Variants in FARP1 observed in about 807,000 individuals in gnomAD.
The protein encoded by FARP1 is FERM, ARHGEF and pleckstrin domain-containing protein 1.
FARP1 carries 52 observed loss-of-function variants against 128.8 expected under a neutral mutation model. That is an observed-to-expected ratio of 0.40 (90% CI 0.32 to 0.51). The LOEUF is 0.51. Among genes scored for constraint, FARP1 ranks in the 20% least tolerant of loss-of-function variants. The probability of loss-of-function intolerance (pLI) is 0.45; values close to 1 mark genes in which losing one functional copy is unlikely to be tolerated. For synonymous variants in FARP1, 580 were observed against 551.8 expected (o/e 1.05, Z -0.72); for missense variants, 1,333 against 1,367.9 (o/e 0.97, Z 0.40).
intron 2 of FARP1, among the ~76,000 whole-genome samples, chr13:98,233,392 C>T (rs1281184574): frequency 6.6e-6 from 1 of 151,864 alleles, no homozygotes; most frequent in Non-Finnish European, 1.5e-5. Flanking sequence ...GGCTCCCCCA[C>T]GTGAGAACTC....
chr13:98,160,472 TAGC>T (rs1876802210), intron 1 of FARP1, among the ~76,000 whole-genome samples: 1 of 152,168 alleles, frequency 6.6e-6, no homozygotes, highest in East Asian at 1.9e-4. Context: ...AATTTAAAAA[TAGC>T]CTCGTTTCTT....
intron 2 of FARP1, among the ~76,000 whole-genome samples, chr13:98,315,601 G>T (rs1886685822): frequency 6.6e-6 from 1 of 152,342 alleles, no homozygotes; most frequent in Admixed American, 6.5e-5. Flanking sequence ...GGAAAAACCA[G>T]GCTGTGTCTG....
At chr13:98,208,663 G>A (rs1880460561) in intron 1 of FARP1, 2 of 152,952 alleles carry the variant, frequency 1.3e-5, no homozygotes, top group Admixed American at 1.3e-4. Flanking sequence ...AGGAAGGTGA[G>A]TGTGGGAGAA....
chr13:98,281,661 C>T (rs1301203437), intron 2 of FARP1, among the ~76,000 whole-genome samples: 1 of 152,170 alleles, frequency 6.6e-6, no homozygotes, highest in Non-Finnish European at 1.5e-5. Flanking sequence ...GTACTAACTG[C>T]AAACAAGAAA....
At chr13:98,348,673 C>T (rs540742729) in intron 3 of FARP1, among the ~76,000 whole-genome samples, 1 of 152,240 alleles carries the variant, frequency 6.6e-6, no homozygotes, top group Non-Finnish European at 1.5e-5. Context: ...TGTTCCAATA[C>T]AGCTTTATTT....
Position 98,395,237 on chromosome 13 carries a change from G to C in FARP1, c.1175G>C (p.Ser392Thr). The change falls in exon 13 of 27, where the codon AGC (serine) becomes ACC (threonine). Residue 392 changes from serine (S) to threonine (T), a missense_variant. Ser to Thr is a moderately conservative substitution (Grantham distance 58). Around this residue, in one of 2 missense-constraint regions of FARP1, gnomAD observed 1,009 missense variants for 969.8 expected, o/e 1.04. Transcript: ENST00000319562. ...NSEVLEQSQQ[S>T]TSLTFGEGAE... ...CCCCACCCCACCCAGTCTCAGCAGA[G>C]CACCAGCCTTACATTTGGAGAAGGT... is the stretch of plus-strand genomic sequence containing the variant. 1.9e-6 allele frequency: 3 copies of C among 1,598,652 alleles called. No individual in the cohort carries two copies.
intron 2 of FARP1, among the ~76,000 whole-genome samples, chr13:98,308,475 C>G (rs1404545588): frequency 3.3e-5 from 5 of 152,090 alleles, no homozygotes; most frequent in African/African-American, 4.8e-5. Context: ...AAGATGAGGT[C>G]AGAGGCTGGA....
intron 17 of FARP1, among the ~76,000 whole-genome samples, chr13:98,430,231 A>C (rs545141883): frequency 1.3e-5 from 2 of 152,330 alleles, no homozygotes; most frequent in East Asian, 3.9e-4. Flanking sequence ...CAGCCTGGGC[A>C]ATAGAGCGAG....
At chr13:98,349,545 T>C (rs568996705) in intron 3 of FARP1, among the ~76,000 whole-genome samples, 2 of 151,408 alleles carry the variant, frequency 1.3e-5, no homozygotes, top group Admixed American at 1.3e-4. Context: ...GTGGCACGCG[T>C]CTATATTCGC....
intron 1 of FARP1, among the ~76,000 whole-genome samples, chr13:98,212,592 GCTT>G (rs1880793467): frequency 6.7e-6 from 1 of 149,062 alleles, no homozygotes; most frequent in South Asian, 2.2e-4. Context: ...GTGTAGAATG[GCTT>G]CTTGGGAAAG....
intron 2 of FARP1, among the ~76,000 whole-genome samples, chr13:98,336,938 T>G (rs780179624): frequency 2.5e-4 from 38 of 152,306 alleles, no homozygotes; most frequent in Non-Finnish European, 4.6e-4. Flanking sequence ...TAGTGACTGT[T>G]TGGCCTCTTA....
chr13:98,427,550 C>T (rs983385027), intron 17 of FARP1, among the ~76,000 whole-genome samples: 7 of 152,214 alleles, frequency 4.6e-5, no homozygotes, highest in African/African-American at 1.4e-4. Flanking sequence ...TCTCCACCCG[C>T]GGGGACAGTC....
chr13:98,158,584 G>A (rs1208379285), intron 1 of FARP1, among the ~76,000 whole-genome samples: 1 of 152,152 alleles, frequency 6.6e-6, no homozygotes, highest in Non-Finnish European at 1.5e-5. Context: ...AATAGCATAA[G>A]CATGAACTCA....
chr13:98,176,724 C>T lies in FARP1; in HGVS notation c.-24+33232C>T. ...GCGCACGTATGGGGCCCTTCCTCGC[C>T]ATCCCCGAGGAGGAGTTGCCCATGG... On this transcript the variant is annotated intron_variant, in intron 1 of 26. Coordinates refer to ENST00000319562, the MANE Select transcript of FARP1 (RefSeq NM_005766.4). This position sits in a 1 kb window ranked among gnomAD's most constrained non-coding sequence, Gnocchi z 6.2. 4 of 1,614,144 alleles carry T rather than the reference C, an allele frequency of 2.5e-6. No individual in the cohort carries two copies. Among genetic ancestry groups the T allele is most frequent in the Non-Finnish European group, 3.4e-6 (4 of 1,180,036 alleles).
At chr13:98,196,674 TG>T (rs530029701) in intron 1 of FARP1, among the ~76,000 whole-genome samples, 3 of 152,240 alleles carry the variant, frequency 2.0e-5, no homozygotes, top group Non-Finnish European at 4.4e-5. Context: ...CTCTTTGTCA[TG>T]CTGCAGAATG....
At position 98,455,174 on chromosome 13, in the gene FARP1, A is replaced by C. The variant is rs1411377796; in HGVS notation, c.*6857A>C. The C allele has an allele frequency of 6.6e-6, 1 of 152,260 alleles. No homozygotes were observed. Among genetic ancestry groups the C allele is most frequent in the Non-Finnish European group, 1.5e-5 (1 of 68,042 alleles). The allele number at this position is 152,260 out of a possible 1,614,324, so 9.4% of individuals were successfully genotyped here. On this transcript the variant is annotated 3_prime_UTR_variant, in exon 27 of 27. Coordinates refer to ENST00000319562, the MANE Select transcript of FARP1 (RefSeq NM_005766.4). The stretch of plus-strand genomic sequence containing the variant: ...AATACTTTGGATCTGGCAGGTTAAA[A>C]AATGTATTGTTGAAACTAATTTCAC...
intron 19 of FARP1, among the ~76,000 whole-genome samples, chr13:98,436,928 A>G (rs1892292771): frequency 6.6e-6 from 1 of 152,132 alleles, no homozygotes; most frequent in Admixed American, 6.5e-5. Context: ...TTTTTTGAGG[A>G]AATGTTTTCC....
chr13:98,195,574 A>G (rs1226702359), intron 1 of FARP1, among the ~76,000 whole-genome samples: 1 of 152,194 alleles, frequency 6.6e-6, no homozygotes, highest in Non-Finnish European at 1.5e-5. Flanking sequence ...TTCTGATTGC[A>G]CAAGGAAGGG....
intron 1 of FARP1, among the ~76,000 whole-genome samples, chr13:98,181,907 A>T (rs1310867196): frequency 6.6e-6 from 1 of 152,214 alleles, no homozygotes; most frequent in Admixed American, 6.5e-5. Context: ...CTTGAATTAA[A>T]GCAAAGGAAA....
Sources: gnomAD v4.1 joint callset for allele counts (sites outside exome capture counted in the v4.1 genomes callset) on GRCh38, gnomAD v4.1.1 for gene constraint, gnomAD v4.1.1 regional missense constraint, Gnocchi (gnomAD v3.1) non-coding constraint, MANE v1.5 for transcripts, NCBI Gene and HGNC (gene_info 2026-07-23, HGNC 2026-07-21) for gene names.